Variants in CACNA2D2 observed in about 807,000 individuals in gnomAD.
CACNA2D2 encodes voltage-dependent calcium channel subunit alpha-2/delta-2.
CACNA2D2 carries 48 observed loss-of-function variants against 166.4 expected under a neutral mutation model. That is an observed-to-expected ratio of 0.29 (90% CI 0.23 to 0.37). The LOEUF (loss-of-function observed/expected upper bound fraction) is 0.37. Among genes scored for constraint, CACNA2D2 ranks in the 10% least tolerant of loss-of-function variants. The pLI, the probability that CACNA2D2 is intolerant of heterozygous loss-of-function variation, is 1.00. For synonymous variants in CACNA2D2, 561 were observed against 573.7 expected, an observed-to-expected ratio of 0.98 and a Z score of 0.32; for missense variants, 1,122 against 1,433.0, an observed-to-expected ratio of 0.78 and a Z score of 3.50.
intron 2 of CACNA2D2, among the ~76,000 whole-genome samples, chr3:50,465,624 G>A (rs1018607849): frequency 2.0e-5 from 3 of 152,232 alleles, no homozygotes; most frequent in Non-Finnish European, 2.9e-5. Flanking sequence ...TGCTGATGGG[G>A]AGGCGCACAG....
chr3:50,438,717 G>A (rs1414982686), intron 2 of CACNA2D2, among the ~76,000 whole-genome samples: 1 of 152,196 alleles, frequency 6.6e-6, no homozygotes, highest in Non-Finnish European at 1.5e-5. Flanking sequence ...GACCTGGGCA[G>A]GCCCCAATCA....
At chr3:50,443,644 G>A (rs573512497) in intron 2 of CACNA2D2, among the ~76,000 whole-genome samples, 11 of 152,200 alleles carry the variant, frequency 7.2e-5, no homozygotes, top group Admixed American at 6.5e-4. Context: ...CCCTACCCCC[G>A]CAGCAGGACA....
At chr3:50,431,095 G>C (rs1196606657) in intron 3 of CACNA2D2, among the ~76,000 whole-genome samples, 1 of 152,120 alleles carries the variant, frequency 6.6e-6, no homozygotes, top group Non-Finnish European at 1.5e-5. Context: ...TTCCAGCCCA[G>C]AGCAAAGGAT....
At chr3:50,442,372 C>T (rs913349107) in intron 2 of CACNA2D2, among the ~76,000 whole-genome samples, 2 of 152,206 alleles carry the variant, frequency 1.3e-5, no homozygotes, top group Non-Finnish European at 2.9e-5. Context: ...AATGCTCTAG[C>T]GTAGGCTGCT....
Position 50,375,529 on chromosome 3 carries a change from TG to T in CACNA2D2, c.1907+114del. On this transcript the variant is annotated intron_variant, in intron 21 of 37. Transcript: ENST00000424201. The surrounding 1 kb of genome is among the most constrained non-coding windows in gnomAD (Gnocchi z 4.0). Reference sequence around the variant, plus strand: ...TCTCAGGGTGAGTAGTGAGCAGCCCTGGCCACTGGTGCCCCACTGGGATGGT... The same window carrying T: ...TCTCAGGGTGAGTAGTGAGCAGCCCTGCCACTGGTGCCCCACTGGGATGGT... The T allele has an allele frequency of 1.8e-6, 2 of 1,098,594 alleles. No homozygotes were observed. The highest frequency in any genetic ancestry group is 2.7e-6 in the Non-Finnish European group (2 of 737,076). 68.1% of individuals were successfully genotyped at this position (1,098,594 alleles called of 1,614,324 possible). A position where few individuals can be genotyped will look rare whatever the true frequency, so the allele number is the denominator to read the frequency against.
chr3:50,396,329 T>TC (rs964306455), intron 3 of CACNA2D2, among the ~76,000 whole-genome samples: 5 of 152,096 alleles, frequency 3.3e-5, no homozygotes, highest in Admixed American at 2.0e-4. Context: ...CCTCATCACC[T>TC]ATTCTCCACA....
intron 3 of CACNA2D2, among the ~76,000 whole-genome samples, chr3:50,429,282 C>T (rs1241142027): frequency 6.6e-6 from 1 of 152,084 alleles, no homozygotes; most frequent in Non-Finnish European, 1.5e-5. Flanking sequence ...GTGGCTTAAG[C>T]TCTCTGAAGC....
At position 50,363,070 on chromosome 3, in the gene CACNA2D2, C is replaced by T; in HGVS notation, c.*1596G>A. 2.5e-6 allele frequency: 1 copy of T among 398,556 alleles called. No homozygotes were observed. The highest frequency in any genetic ancestry group is 4.4e-6 in the Non-Finnish European group (1 of 226,022). The allele number at this position is 398,556 out of a possible 1,614,324, so 24.7% of individuals were successfully genotyped here. A position where few individuals can be genotyped will look rare whatever the true frequency, so the allele number is the denominator to read the frequency against. On this transcript the variant is annotated 3_prime_UTR_variant, in exon 38 of 38. Coordinates refer to ENST00000424201, the MANE Select transcript of CACNA2D2 (RefSeq NM_006030.4). ...GACCCAGCTGGGGGTTAGACAGCTA[C>T]CTGATGGGGATTGTTTTGTCTGTTT... is the stretch of plus-strand genomic sequence containing the variant.
At chr3:50,482,342 TC>T (rs1377506064) in intron 1 of CACNA2D2, among the ~76,000 whole-genome samples, 1 of 152,208 alleles carries the variant, frequency 6.6e-6, no homozygotes, top group South Asian at 2.1e-4. Context: ...CGGGTGGATG[TC>T]CCTCTATACC....
chr3:50,387,222 C>T (rs919581232), intron 5 of CACNA2D2, among the ~76,000 whole-genome samples: 1 of 152,162 alleles, frequency 6.6e-6, no homozygotes, highest in African/African-American at 2.4e-5. Context: ...CCTGCTCACA[C>T]CTGCCCACCT....
Position 50,367,839 on chromosome 3 carries a change from C to G in CACNA2D2, c.2207G>C (p.Arg736Pro). The change falls in exon 25 of 38, where the codon CGT becomes CCT. Residue 736 changes from arginine to proline, a missense_variant. Physicochemically the swap from Arg to Pro is moderately radical, Grantham distance 103. Around this residue, in one of 2 missense-constraint regions of CACNA2D2, gnomAD observed 840 missense variants for 1,166.8 expected, o/e 0.72. Transcript: ENST00000424201. This position sits in a 1 kb window ranked among gnomAD's most constrained non-coding sequence, Gnocchi z 6.5. ...DTGITQQLVE[R>P]VWRDQDLNTY... Reference sequence around the variant, plus strand: ...GTTGAGATCCTGGTCCCTCCACACACGCTCTACCAGCTGCTGCGTGATGCC... The same window carrying G: ...GTTGAGATCCTGGTCCCTCCACACAGGCTCTACCAGCTGCTGCGTGATGCC... 6.2e-7 allele frequency: 1 copy of G among 1,612,248 alleles called. No individual in the cohort carries two copies. Among genetic ancestry groups the G allele is most frequent in the South Asian group, 1.1e-5 (1 of 91,028 alleles).
At position 50,363,467 on chromosome 3, in the gene CACNA2D2, T is replaced by TGTGTGTGTGCACAGAGC. The variant is rs11267884; in HGVS notation, c.*1198_*1199insGCTCTGTGCACACACAC. 0.14 allele frequency: 20,025 copies of TGTGTGTGTGCACAGAGC among 146,448 alleles called. 2,206 individuals are homozygous for TGTGTGTGTGCACAGAGC. The highest frequency in any genetic ancestry group is 0.56 in the East Asian group (11,109 of 19,960). 9.1% of individuals were successfully genotyped at this position (146,448 alleles called of 1,614,324 possible). ...TGAAGAGCTGTGCCCAGTCCCCACC[T>TGTGTGTGTGCACAGAGC]GTGTGTGTGTGTGTGTGTGTGTGTT... On this transcript the variant is annotated 3_prime_UTR_variant, in exon 38 of 38. Coordinates refer to ENST00000424201, the MANE Select transcript of CACNA2D2 (RefSeq NM_006030.4).
chr3:50,387,620 G>C lies in CACNA2D2; in HGVS notation c.466-8C>G. ...GTACACGATGTCTTCCTCCTGGTGA[G>C]GGGAGAGAGGCCTCAGCACTAGCTG... On this transcript the variant is annotated splice_polypyrimidine_tract_variant and splice_region_variant and intron_variant, in intron 4 of 37. Coordinates refer to ENST00000424201, the MANE Select transcript of CACNA2D2 (RefSeq NM_006030.4). 6.2e-7 allele frequency: 1 copy of C among 1,611,538 alleles called. No individual in the cohort carries two copies. Among genetic ancestry groups the C allele is most frequent in the East Asian group, 2.2e-5 (1 of 44,864 alleles).
chr3:50,471,625 G>A (rs895663253), intron 2 of CACNA2D2, among the ~76,000 whole-genome samples: 1 of 152,200 alleles, frequency 6.6e-6, no homozygotes, highest in Non-Finnish European at 1.5e-5. Flanking sequence ...GTGTGCATGT[G>A]TTTCAGATGT....
At chr3:50,459,550 G>T (rs1709506177) in intron 2 of CACNA2D2, among the ~76,000 whole-genome samples, 1 of 152,180 alleles carries the variant, frequency 6.6e-6, no homozygotes, top group African/African-American at 2.4e-5. Context: ...ACAGGAAGAT[G>T]ATCTGGGACT....
At chr3:50,474,127 G>C (rs1710212123) in intron 2 of CACNA2D2, among the ~76,000 whole-genome samples, 1 of 152,172 alleles carries the variant, frequency 6.6e-6, no homozygotes, top group Non-Finnish European at 1.5e-5. Context: ...GGAGCCCTGG[G>C]TCCATGCCCC....
chr3:50,491,484 C>T (rs137978097), intron 1 of CACNA2D2, among the ~76,000 whole-genome samples: 2 of 152,310 alleles, frequency 1.3e-5, no homozygotes, highest in East Asian at 1.9e-4. Context: ...AACATGCTGC[C>T]TCCCTCCCCT....
At chr3:50,381,187 A>G in intron 6 of CACNA2D2, 61 bp from the exon 7 acceptor site, 2 of 1,576,752 alleles carry the variant, frequency 1.3e-6, no homozygotes, top group Non-Finnish European at 1.7e-6. Flanking sequence ...CGAACCCACC[A>G]CCACGACACT....
At position 50,367,558 on chromosome 3, in the gene CACNA2D2, C is replaced by T. The variant is rs1704389994; in HGVS notation, c.2298-61G>A. ...GTGGCTTGTCGGGGACAGTGGTCTC[C>T]ACAGATGCAAGGAGGCCTCTGGGCA... On this transcript the variant is annotated intron_variant, in intron 26 of 37. Coordinates refer to ENST00000424201, the MANE Select transcript of CACNA2D2 (RefSeq NM_006030.4). The surrounding 1 kb of genome is among the most constrained non-coding windows in gnomAD (Gnocchi z 6.5). 6.2e-7 allele frequency: 1 copy of T among 1,608,880 alleles called. No homozygotes were observed. Among genetic ancestry groups the T allele is most frequent in the Non-Finnish European group, 8.5e-7 (1 of 1,175,598 alleles).
Sources: allele counts gnomAD v4.1 joint callset (sites outside exome capture counted in the v4.1 genomes callset), GRCh38; gene constraint gnomAD v4.1.1; regional missense constraint gnomAD v4.1.1; non-coding constraint Gnocchi (gnomAD v3.1); transcripts MANE v1.5; gene names NCBI Gene and HGNC (gene_info 2026-07-23, HGNC 2026-07-21).